The following MXRA7 variants were observed in gnomAD, a reference collection of about 807,000 sequenced individuals.
MXRA7 encodes the protein matrix remodeling associated 7.
Under a neutral mutation model 17.4 loss-of-function variants are expected in MXRA7, and 18 were observed. The ratio of observed to expected loss-of-function variants is 1.03; its 90% CI spans 0.71 to 1.53. The LOEUF is 1.53. Among genes scored for constraint, MXRA7 ranks in the 40% most tolerant of loss-of-function variants. MXRA7 has a pLI of 0.00. For synonymous variants in MXRA7, 70 were observed against 101.7 expected, an observed-to-expected ratio of 0.69 and a Z score of 1.87; for missense variants, 141 against 209.3, an observed-to-expected ratio of 0.67 and a Z score of 2.01.
At chr17:76,684,917 A>C (rs1567978544) in intron 3 of MXRA7, among the ~76,000 whole-genome samples, 155 bp downstream of exon 3, 2 of 152,056 alleles carry the variant, frequency 1.3e-5, no homozygotes, top group Non-Finnish European at 2.9e-5. Flanking sequence ...AAGAACTCCT[A>C]AACTGGGAAG....
In MXRA7 at chr17:76,684,954, T is replaced by C. The variant is rs1243733307; in HGVS notation, c.500+118A>G. On this transcript the variant is annotated intron_variant, in intron 3 of 3. Transcript: ENST00000449428. ...TGGGGCGGTGGTTGGGCAGAGCGTG[T>C]AGGAGCCCCACCTCCTTTCTGGGCC... 4 of 810,666 alleles carry C rather than the reference T, an allele frequency of 4.9e-6. No homozygotes were observed. In the African/African-American group the frequency reaches 5.1e-5, roughly 10 times the overall value. The allele number at this position is 810,666 out of a possible 1,614,324, so 50.2% of individuals were successfully genotyped here.
At position 76,680,329 on chromosome 17, in the gene MXRA7, C is replaced by T. The variant is rs1331118057; in HGVS notation, c.*538G>A. ...TGTAATCAATATGGCATCTCACCCC[C>T]GACAACCAAGCCAGCCACAGAGAGA... On this transcript the variant is annotated 3_prime_UTR_variant, in exon 4 of 4. Coordinates refer to ENST00000449428, the MANE Select transcript of MXRA7 (RefSeq NM_198530.4). The T allele has an allele frequency of 1.1e-5, 11 of 985,440 alleles. No individual in the cohort carries two copies. Among genetic ancestry groups the T allele is most frequent in the East Asian group, 2.3e-4 (2 of 8,804 alleles). 61.0% of individuals were successfully genotyped at this position (985,440 alleles called of 1,614,324 possible).
exon 4 of MXRA7, chr17:76,672,648 A>G (rs2076211068): frequency 6.6e-6 from 1 of 152,224 alleles, no homozygotes. Flanking sequence ...GGAGTGGCTG[A>G]GTAAACTGGT....
chr17:76,685,456 C>A (rs372078143), intron 2 of MXRA7, among the ~76,000 whole-genome samples: 3 of 152,346 alleles, frequency 2.0e-5, no homozygotes, highest in African/African-American at 4.8e-5. Context: ...CCCTGCCCAG[C>A]AGGTCCTCTC....
chr17:76,685,272 A>T, intron 2 of MXRA7, 107 bp from the exon 3 acceptor site: 3 of 769,798 alleles, frequency 3.9e-6, no homozygotes, highest in Non-Finnish European at 6.8e-6. Flanking sequence ...AGCAGAGGCC[A>T]CATCTGGCTA....
chr17:76,697,739 C>T (rs1020816567), intron 1 of MXRA7, among the ~76,000 whole-genome samples: 25 of 152,252 alleles, frequency 1.6e-4, no homozygotes, highest in African/African-American at 4.6e-4. Flanking sequence ...CAGGGTGCCC[C>T]GGAGGCCAAG....
downstream of MXRA7, chr17:76,677,351 C>A (rs2076248731): frequency 4.5e-6 from 2 of 444,256 alleles, no homozygotes; most frequent in Non-Finnish European, 4.0e-6. Flanking sequence ...ACAGCTGGAA[C>A]CTCACCAGCA....
At chr17:76,689,739 G>C (rs1212566542) in intron 1 of MXRA7, 1 of 152,122 alleles carries the variant, frequency 6.6e-6, no homozygotes, top group Non-Finnish European at 1.5e-5. Flanking sequence ...GGGTGCGGTC[G>C]CTCACGCCTG....
At chr17:76,683,762 G>C in intron 3 of MXRA7, 1 of 925,782 alleles carries the variant, frequency 1.1e-6, no homozygotes, top group Non-Finnish European at 1.8e-6. Flanking sequence ...GAGGAGGGGA[G>C]GTTGAGGCCG....
chr17:76,674,573 C>T (rs2143547195), downstream of MXRA7: 1 of 152,352 alleles, frequency 6.6e-6, no homozygotes, highest in Admixed American at 6.5e-5. Flanking sequence ...CCACCAAGCC[C>T]TGTCCTGGAC....
intron 3 of MXRA7, 44 bp downstream of exon 3, chr17:76,685,027 TC>T (rs145795573): frequency 0.072 from 110,559 of 1,533,158 alleles, 4,776 homozygotes; most frequent in African/African-American, 0.16. Context: ...GGCACCCCCC[TC>T]CCCCAAGAGC....
chr17:76,683,236 T>C (rs1458228073), intron 3 of MXRA7, among the ~76,000 whole-genome samples: 2 of 152,210 alleles, frequency 1.3e-5, no homozygotes, highest in African/African-American at 4.8e-5. Context: ...TTTGGGGGGC[T>C]GTGTGGTCTC....
intron 1 of MXRA7, 40 bp downstream of exon 1, chr17:76,710,565 C>G: frequency 8.0e-7 from 1 of 1,246,964 alleles, no homozygotes; most frequent in African/African-American, 1.6e-5. Context: ...AGCCGGAGCC[C>G]CGGGGGTGGG....
chr17:76,698,257 C>T lies in MXRA7; in HGVS notation c.343-10081G>A, dbSNP rs528032246. 1.7e-3 allele frequency among the ~76,000 whole-genome samples: 262 copies of T among 152,350 alleles called. 1 individual carries two copies. Among genetic ancestry groups the T allele is most frequent in the African/African-American group, 5.7e-3 (239 of 41,582 alleles). ...AAGGGGCCTGCCCAGGCCCCCCAAC[C>T]CCAGAATGGGCCGGGCCCAGGGCTG... On this transcript the variant is annotated intron_variant, in intron 1 of 3. Transcript: ENST00000449428.
chr17:76,680,723 AG>A lies in MXRA7; in HGVS notation c.*143del, dbSNP rs2143569721. ...CTAGCCAAGGGACAAGTCCTGATTG[AG>A]GGTCTAGAGCTCAGCAGATTTATGG... On this transcript the variant is annotated 3_prime_UTR_variant, in exon 4 of 4. Transcript: ENST00000449428. The A allele has an allele frequency of 6.8e-7, 1 of 1,462,600 alleles. No homozygotes were observed. Among genetic ancestry groups the A allele is most frequent in the East Asian group, 2.5e-5 (1 of 39,694 alleles). The allele number at this position is 1,462,600 out of a possible 1,614,324, so 90.6% of individuals were successfully genotyped here. A position where few individuals can be genotyped will look rare whatever the true frequency, so the allele number is the denominator to read the frequency against.
chr17:76,689,561 G>C (rs1208696175), intron 1 of MXRA7: 1 of 152,188 alleles, frequency 6.6e-6, no homozygotes, highest in Non-Finnish European at 1.5e-5. Flanking sequence ...GTATCTCTAT[G>C]GCTGAGGTCG....
At chr17:76,677,525 A>G, downstream of MXRA7, 1 of 1,162,046 alleles carries the variant, frequency 8.6e-7, no homozygotes, top group Non-Finnish European at 1.3e-6. Flanking sequence ...GGAAAGAACA[A>G]GGGCATGGGG....
intron 1 of MXRA7, among the ~76,000 whole-genome samples, chr17:76,701,628 A>T (rs1303905606): frequency 6.6e-6 from 1 of 151,730 alleles, no homozygotes; most frequent in Admixed American, 6.6e-5. Context: ...AGCAGGGCAA[A>T]GAGCAGAGGG....
At chr17:76,683,385 AC>A (rs1441792043) in intron 3 of MXRA7, among the ~76,000 whole-genome samples, 7 of 152,144 alleles carry the variant, frequency 4.6e-5, no homozygotes, top group African/African-American at 9.7e-5. Flanking sequence ...TTGTCTGCTA[AC>A]CCTTGCCCTG....
Sources: gnomAD v4.1 joint callset for allele counts (sites outside exome capture counted in the v4.1 genomes callset) on GRCh38, gnomAD v4.1.1 for gene constraint, MANE v1.5 for transcripts, NCBI Gene and HGNC (gene_info 2026-07-23, HGNC 2026-07-21) for gene names.